METTL15: variants seen among roughly 807,000 people sequenced by gnomAD.
The protein encoded by METTL15 is methyltransferase 15, mitochondrial 12S rRNA N4-cytidine, also known as 12S rRNA N(4)-cytidine methyltransferase METTL15.
In METTL15, 34 loss-of-function variants were observed where a neutral mutation model predicts 38.3. The observed-to-expected ratio is 0.89, with a 90% CI of 0.68 to 1.18. The LOEUF (loss-of-function observed/expected upper bound fraction) is 1.18, where lower values mean the gene tolerates loss of function less well. Among genes scored for constraint, METTL15 ranks in the 50% most tolerant of loss-of-function variants. METTL15 has a pLI of 0.00. For synonymous variants in METTL15, 162 were observed against 170.9 expected (o/e 0.95, Z 0.41); for missense variants, 438 against 498.4 (o/e 0.88, Z 1.15).
At chr11:28,229,927 C>A (rs1461743516) in intron 4 of METTL15, among the ~76,000 whole-genome samples, 1 of 151,988 alleles carries the variant, frequency 6.6e-6, no homozygotes. Flanking sequence ...ATACAAATGT[C>A]ATCAACAAAT....
chr11:28,277,735 C>T (rs1000103787), intron 4 of METTL15, among the ~76,000 whole-genome samples: 2 of 151,864 alleles, frequency 1.3e-5, no homozygotes, highest in East Asian at 1.9e-4. Flanking sequence ...AATGGAATCA[C>T]GTCATTTGAA....
chr11:28,370,241 G>C (rs1029663607), intron 5 of METTL15, among the ~76,000 whole-genome samples: 2 of 151,730 alleles, frequency 1.3e-5, no homozygotes, highest in Admixed American at 1.3e-4. Flanking sequence ...TTGGCCTTTT[G>C]TAACCACCAA....
At chr11:28,325,705 A>C (rs1183797111) in intron 6 of METTL15, among the ~76,000 whole-genome samples, 1 of 152,208 alleles carries the variant, frequency 6.6e-6, no homozygotes, top group African/African-American at 2.4e-5. Flanking sequence ...AATTCAGTAG[A>C]TCTGGAGTGG....
At chr11:28,409,829 TAACAA>T (rs1320578806) in intron 5 of METTL15, among the ~76,000 whole-genome samples, 1 of 151,662 alleles carries the variant, frequency 6.6e-6, no homozygotes, top group Non-Finnish European at 1.5e-5. Flanking sequence ...GAAAACAAAT[TAACAA>T]AACCAAGAGT....
intron 6 of METTL15, among the ~76,000 whole-genome samples, chr11:28,515,670 C>CATA (rs1296051642): frequency 1.3e-5 from 2 of 152,150 alleles, no homozygotes; most frequent in Non-Finnish European, 2.9e-5. Context: ...GGCAATAAGG[C>CATA]ATAAAGTATT....
chr11:28,289,195 A>C (rs1856410069), intron 4 of METTL15, among the ~76,000 whole-genome samples: 1 of 152,118 alleles, frequency 6.6e-6, no homozygotes, highest in African/African-American at 2.4e-5. Context: ...CTGTTTATAC[A>C]TCTTTTCCTC....
At chr11:28,191,532 T>C (rs1035571057) in intron 3 of METTL15, among the ~76,000 whole-genome samples, 4 of 151,548 alleles carry the variant, frequency 2.6e-5, no homozygotes, top group Admixed American at 2.6e-4. Context: ...ATAGTATCTT[T>C]TCAATTTAAA....
intron 4 of METTL15, among the ~76,000 whole-genome samples, chr11:28,353,605 G>A (rs1325241528): frequency 6.6e-6 from 1 of 152,178 alleles, no homozygotes; most frequent in East Asian, 1.9e-4. Flanking sequence ...GGATGCAAGA[G>A]ATCTTTTCCT....
chr11:28,412,629 C>G (rs369070449), intron 5 of METTL15, among the ~76,000 whole-genome samples: 1 of 151,754 alleles, frequency 6.6e-6, no homozygotes, highest in South Asian at 2.1e-4. Context: ...GTAAAATAAA[C>G]CAAACGCAGA....
chr11:28,155,765 A>G (rs1047995791), intron 3 of METTL15, among the ~76,000 whole-genome samples: 1 of 152,156 alleles, frequency 6.6e-6, no homozygotes, highest in Non-Finnish European at 1.5e-5. Flanking sequence ...CTCCCATAGG[A>G]CTGTATTAAT....
At chr11:28,159,431 T>G (rs1407568878) in intron 3 of METTL15, among the ~76,000 whole-genome samples, 1 of 151,254 alleles carries the variant, frequency 6.6e-6, no homozygotes, top group Admixed American at 6.6e-5. Flanking sequence ...AATGAAGGTT[T>G]GAATCACTCC....
At chr11:28,400,439 C>T (rs1338567357) in intron 5 of METTL15, among the ~76,000 whole-genome samples, 2 of 151,924 alleles carry the variant, frequency 1.3e-5, no homozygotes, top group Admixed American at 1.3e-4. Context: ...GAGTCCAGCA[C>T]CTCAGATAAA....
intron 3 of METTL15, among the ~76,000 whole-genome samples, chr11:28,135,898 G>C (rs970726963): frequency 1.3e-5 from 2 of 152,106 alleles, no homozygotes; most frequent in Non-Finnish European, 2.9e-5. Flanking sequence ...GATTACTTCA[G>C]TTTTCTGTTA....
intron 6 of METTL15, among the ~76,000 whole-genome samples, chr11:28,326,753 A>AT (rs373859164): frequency 2.2e-4 from 34 of 151,384 alleles, no homozygotes; most frequent in African/African-American, 5.8e-4. Context: ...AAATTGTAGG[A>AT]TTTTTTTGTT....
chr11:28,341,410 T>C (rs960899830), intron 3 of METTL15, among the ~76,000 whole-genome samples: 1 of 152,240 alleles, frequency 6.6e-6, no homozygotes, highest in Non-Finnish European at 1.5e-5. Context: ...TGGAGGGATT[T>C]AGTATGTTTA....
intron 5 of METTL15, among the ~76,000 whole-genome samples, chr11:28,389,292 A>G (rs1229941597): frequency 6.6e-6 from 1 of 150,904 alleles, no homozygotes; most frequent in Non-Finnish European, 1.5e-5. Context: ...CAGGTTAGTT[A>G]CATATGTATA....
At chr11:28,246,852 A>G (rs964538289) in intron 4 of METTL15, among the ~76,000 whole-genome samples, 6 of 152,236 alleles carry the variant, frequency 3.9e-5, no homozygotes, top group Non-Finnish European at 8.8e-5. Context: ...CTAGTTAATC[A>G]CTTGACATGT....
intron 3 of METTL15, among the ~76,000 whole-genome samples, chr11:28,143,580 A>G (rs1056262793): frequency 2.0e-5 from 3 of 152,106 alleles, no homozygotes; most frequent in Non-Finnish European, 4.4e-5. Context: ...AACGGTTCCT[A>G]TTTTGACAAC....
intron 3 of METTL15, among the ~76,000 whole-genome samples, chr11:28,188,358 A>G (rs1472476556): frequency 1.3e-5 from 2 of 151,460 alleles, no homozygotes; most frequent in African/African-American, 4.8e-5. Flanking sequence ...AATGAAAATT[A>G]TGAAATAGCT....
Sources: gnomAD v4.1 joint callset for allele counts (sites outside exome capture counted in the v4.1 genomes callset) on GRCh38, gnomAD v4.1.1 for gene constraint, MANE v1.5 for transcripts, NCBI Gene and HGNC (gene_info 2026-07-23, HGNC 2026-07-21) for gene names.